The following CCNY variants were observed in gnomAD, a reference collection of about 807,000 sequenced individuals.
CCNY encodes the protein cyclin-Y.
In CCNY, 19 loss-of-function variants were observed where a neutral mutation model predicts 42.8. That is an observed-to-expected ratio of 0.44 (90% confidence interval 0.31 to 0.65). CCNY has a LOEUF of 0.65. CCNY is among the 30% of genes least tolerant of loss of function. The pLI is 0.07. For synonymous variants in CCNY, 165 were observed against 162.7 expected (o/e 1.01, Z -0.11); for missense variants, 370 against 437.3 (o/e 0.85, Z 1.37).
At chr10:35,482,705 C>CA (rs1184711402) in intron 1 of CCNY, among the ~76,000 whole-genome samples, 1 of 147,580 alleles carries the variant, frequency 6.8e-6, no homozygotes, top group East Asian at 2.0e-4. Context: ...GGTGGGGGCT[C>CA]AGTGTTGCCA....
intron 2 of CCNY, among the ~76,000 whole-genome samples, chr10:35,485,181 C>T (rs981742205): frequency 5.3e-5 from 8 of 152,232 alleles, no homozygotes; most frequent in Admixed American, 1.3e-4. Flanking sequence ...TTCTACCTCT[C>T]TCCCTGTCCA....
chr10:35,462,672 G>C (rs1038139433), intron 1 of CCNY, among the ~76,000 whole-genome samples: 2 of 152,206 alleles, frequency 1.3e-5, no homozygotes. Flanking sequence ...GAGTGTGCGG[G>C]TGGAGGGGTC....
At chr10:35,488,755 C>T (rs1380572456) in intron 2 of CCNY, among the ~76,000 whole-genome samples, 2 of 152,102 alleles carry the variant, frequency 1.3e-5, no homozygotes, top group East Asian at 1.9e-4. Flanking sequence ...AATAAACTGG[C>T]CTTCTTTAAC....
chr10:35,439,175 T>C (rs1196791579), intron 1 of CCNY, among the ~76,000 whole-genome samples: 1 of 152,234 alleles, frequency 6.6e-6, no homozygotes, highest in East Asian at 1.9e-4. Flanking sequence ...TCAGCTGTTA[T>C]TTCTTCATAT....
At chr10:35,384,840 C>A (rs908937559) in intron 1 of CCNY, among the ~76,000 whole-genome samples, 8 of 152,172 alleles carry the variant, frequency 5.3e-5, no homozygotes, top group Non-Finnish European at 1.0e-4. Context: ...AGCAGGCCTG[C>A]CGTCTGAGAA....
intron 1 of CCNY, among the ~76,000 whole-genome samples, chr10:35,461,452 G>C (rs1431672055): frequency 3.3e-5 from 5 of 152,154 alleles, no homozygotes; most frequent in Non-Finnish European, 7.3e-5. Context: ...AGACAGGGAG[G>C]ATCACCTGAG....
chr10:35,524,634 C>T (rs1840613656), intron 4 of CCNY, among the ~76,000 whole-genome samples: 1 of 152,112 alleles, frequency 6.6e-6, no homozygotes, highest in African/African-American at 2.4e-5. Context: ...TTTTTTTGGC[C>T]TCCTCAATAC....
chr10:35,303,290 C>T (rs1459444149), intron 3 of CCNY, among the ~76,000 whole-genome samples: 1 of 151,806 alleles, frequency 6.6e-6, no homozygotes, highest in Non-Finnish European at 1.5e-5. Flanking sequence ...AAGCAATTCT[C>T]CTGCCTCAGC....
intron 3 of CCNY, among the ~76,000 whole-genome samples, chr10:35,285,972 A>G (rs184282960): frequency 1.1e-3 from 164 of 151,884 alleles, no homozygotes; most frequent in African/African-American, 3.6e-3. Context: ...GGCACCATGC[A>G]TGGCTAATTT....
chr10:35,300,719 T>C (rs915066570), intron 3 of CCNY, among the ~76,000 whole-genome samples: 4 of 152,208 alleles, frequency 2.6e-5, no homozygotes, highest in Non-Finnish European at 4.4e-5. Context: ...CTTAGAGCAT[T>C]TTCAAAGTAA....
At chr10:35,492,993 TGG>T (rs758027644) in intron 2 of CCNY, among the ~76,000 whole-genome samples, 1 of 150,138 alleles carries the variant, frequency 6.7e-6, no homozygotes, top group Non-Finnish European at 1.5e-5. Flanking sequence ...TTGAGGTGCA[TGG>T]GGGGGGGAGG....
chr10:35,408,062 G>A (rs971304164), intron 1 of CCNY, among the ~76,000 whole-genome samples: 3 of 152,206 alleles, frequency 2.0e-5, no homozygotes, highest in Admixed American at 2.0e-4. Flanking sequence ...AGAAGGGAGA[G>A]ATTGAAGGGT....
intron 1 of CCNY, among the ~76,000 whole-genome samples, chr10:35,477,793 T>A (rs954791257): frequency 2.6e-5 from 4 of 152,120 alleles, no homozygotes; most frequent in African/African-American, 9.7e-5. Context: ...GCCAGGTCAG[T>A]TAGGCAGGAG....
At chr10:35,425,373 T>C (rs998871027) in intron 1 of CCNY, among the ~76,000 whole-genome samples, 2 of 152,214 alleles carry the variant, frequency 1.3e-5, no homozygotes, top group Admixed American at 1.3e-4. Context: ...GCTGTTTAAA[T>C]TTATTCATGT....
chr10:35,263,920 G>A (rs902087033), intron 3 of CCNY, among the ~76,000 whole-genome samples: 11 of 152,170 alleles, frequency 7.2e-5, no homozygotes, highest in African/African-American at 2.2e-4. Flanking sequence ...TTCTAAGTGA[G>A]AACATGTGGA....
intron 3 of CCNY, among the ~76,000 whole-genome samples, chr10:35,296,449 C>T (rs984139504): frequency 1.3e-5 from 2 of 152,082 alleles, no homozygotes; most frequent in South Asian, 2.1e-4. Context: ...TGTGTGGTGG[C>T]GCATACCTGT....
chr10:35,567,505 TAG>T (rs981882046), intron 9 of CCNY, among the ~76,000 whole-genome samples: 2 of 152,178 alleles, frequency 1.3e-5, no homozygotes, highest in African/African-American at 4.8e-5. Flanking sequence ...TCTCATCCCA[TAG>T]AGTGTTTCCG....
intron 1 of CCNY, among the ~76,000 whole-genome samples, chr10:35,366,306 C>T (rs984336224): frequency 6.6e-6 from 1 of 152,138 alleles, no homozygotes; most frequent in Non-Finnish European, 1.5e-5. Context: ...TGATTTGGGG[C>T]TTCATGTATA....
intron 8 of CCNY, among the ~76,000 whole-genome samples, chr10:35,555,596 A>G (rs1037771907): frequency 6.6e-6 from 1 of 152,234 alleles, no homozygotes; most frequent in Non-Finnish European, 1.5e-5. Context: ...CATTTTACAG[A>G]TGGAAACGAG....
Sources: gnomAD v4.1 joint callset for allele counts (sites outside exome capture counted in the v4.1 genomes callset) on GRCh38, gnomAD v4.1.1 for gene constraint, MANE v1.5 for transcripts, NCBI Gene and HGNC (gene_info 2026-07-23, HGNC 2026-07-21) for gene names.